The following SIGLEC6 variants were observed in gnomAD, a reference collection of about 807,000 sequenced individuals.
SIGLEC6 encodes the protein sialic acid-binding Ig-like lectin 6.
In SIGLEC6, 31 loss-of-function variants were observed where a neutral mutation model predicts 41.4. The ratio of observed to expected loss-of-function variants is 0.75; its 90% confidence interval spans 0.56 to 1.01. The LOEUF (loss-of-function observed/expected upper bound fraction) is 1.01, where lower values mean the gene tolerates loss of function less well. Ranked by LOEUF, SIGLEC6 falls within the 50% of genes least tolerant of loss-of-function variation. The pLI, the probability that SIGLEC6 is intolerant of heterozygous loss-of-function variation, is 0.00. For missense variants in SIGLEC6, 555 were observed against 558.6 expected (o/e 0.99, Z 0.06); for synonymous variants, 217 against 231.0 (o/e 0.94, Z 0.55).
chr19:51,529,421 G>T, intron 5 of SIGLEC6: 1 of 424,438 alleles, frequency 2.4e-6, no homozygotes, highest in South Asian at 2.4e-5. Flanking sequence ...AGCTGAGCCT[G>T]AGACTTGAGC....
rs751392876 is a variant in SIGLEC6, at chr19:51,531,374, C to G, written c.213G>C (p.Gly71=). The part of the protein sequence containing the change: ...YYGYGYWFLE[G]ADVPVATNDP... Reference sequence around the variant, plus strand: ...CGTTTGTGGCCACTGGAACATCAGCCCCTTCCAGGAACCAGTAGCCATAAC... The same window carrying G: ...CGTTTGTGGCCACTGGAACATCAGCGCCTTCCAGGAACCAGTAGCCATAAC... Residue 71 remains glycine (G), a synonymous_variant, in exon 2 of 8, where the codon GGG becomes GGC. Coordinates refer to ENST00000425629, the MANE Select transcript of SIGLEC6 (RefSeq NM_001245.7). 1.2e-6 allele frequency: 2 copies of G among 1,614,046 alleles called. No homozygotes were observed. The highest frequency in any genetic ancestry group is 1.1e-5 in the South Asian group (1 of 91,084).
At chr19:51,528,340 C>A in intron 5 of SIGLEC6, 87 bp from the exon 6 acceptor site, 2 of 1,079,544 alleles carry the variant, frequency 1.9e-6, no homozygotes, top group Non-Finnish European at 2.8e-6. Flanking sequence ...ACTAATGTGA[C>A]CACCCCCATC....
chr19:51,530,198 G>A (rs756346375), intron 4 of SIGLEC6, among the ~76,000 whole-genome samples: 62 of 152,336 alleles, frequency 4.1e-4, no homozygotes, highest in Non-Finnish European at 7.3e-4. Context: ...GCAGACAAGT[G>A]CCATTCCTGG....
At chr19:51,523,942 G>A (rs571046636) in intron 7 of SIGLEC6, among the ~76,000 whole-genome samples, 83 of 152,222 alleles carry the variant, frequency 5.5e-4, no homozygotes, top group African/African-American at 1.8e-3. Flanking sequence ...AGAATGGCGT[G>A]AACCCAGGAA....
chr19:51,530,349 C>T lies in SIGLEC6; in HGVS notation c.754+88G>A. 4 of 1,230,842 alleles carry T rather than the reference C, an allele frequency of 3.2e-6. No individual in the cohort carries two copies. In the South Asian group the frequency reaches 5.4e-5, roughly 16 times the overall value. The allele number at this position is 1,230,842 out of a possible 1,614,324, so 76.2% of individuals were successfully genotyped here. On this transcript the variant is annotated intron_variant, in intron 4 of 7. Coordinates refer to ENST00000425629, the MANE Select transcript of SIGLEC6 (RefSeq NM_001245.7). ...CCAGGTCTTTGAAGTCTATGGAGGC[C>T]TTAGTCCTGGCTTCTCATATTGATC...
Position 51,518,308 on chromosome 19 carries a change from A to C in SIGLEC6, c.*1774T>G, listed in dbSNP as rs1178389483. Among the ~76,000 whole-genome samples, 1 of 152,158 alleles carries C rather than the reference A, an allele frequency of 6.6e-6. No individual in the cohort carries two copies. Among genetic ancestry groups the C allele is most frequent in the Non-Finnish European group, 1.5e-5 (1 of 68,030 alleles). ...ATTGCTCCTAAAAAAGTCAGCTGTC[A>C]GTCTAATTGTGGTTTTTTGCTTGTT... On this transcript the variant is annotated 3_prime_UTR_variant, in exon 8 of 8. Coordinates refer to ENST00000425629, the MANE Select transcript of SIGLEC6 (RefSeq NM_001245.7).
Position 51,518,620 on chromosome 19 carries a change from G to A in SIGLEC6, c.*1462C>T, listed in dbSNP as rs893811859. ...CTCCCAAAGTGCTGGGATTACAGGC[G>A]TGAGCCACTGCTAACTGTGGTCTTT... On this transcript the variant is annotated 3_prime_UTR_variant, in exon 8 of 8. Transcript: ENST00000425629. Among the ~76,000 whole-genome samples, 3 of 152,200 alleles carry A rather than the reference G, an allele frequency of 2.0e-5. No individual in the cohort carries two copies. Among genetic ancestry groups the A allele is most frequent in the African/African-American group, 7.2e-5 (3 of 41,458 alleles).
At position 51,530,788 on chromosome 19, in the gene SIGLEC6, AGCACCGAGGACTGGGTGGTCCTGGG is replaced by A. The variant is rs1175066562; in HGVS notation, c.574_598del (p.Pro192SerfsTer18). The stretch of plus-strand genomic sequence containing the variant: ...GTCCTGGGGCCGTGGGGTGATTGTG[AGCACCGAGGACTGGGTGGTCCTGGG>A]GCCCAGGGAGGTGGGGGCAGCTGAC... On this transcript the variant is annotated frameshift_variant, in exon 3 of 8. Transcript: ENST00000425629. LOFTEE classifies it high-confidence loss of function. The A allele has an allele frequency of 6.2e-7, 1 of 1,613,942 alleles. No individual in the cohort carries two copies. The highest frequency in any genetic ancestry group is 1.1e-5 in the South Asian group (1 of 91,066).
In SIGLEC6 at chr19:51,529,637, A is replaced by G. The variant is rs1219115541; in HGVS notation, c.1012+87T>C. ...GTTGTGAGGGGTCTGGGGAGGGAGG[A>G]CAGGACTTAGCAGGGGCCTCTTCTC... On this transcript the variant is annotated intron_variant, in intron 5 of 7. Coordinates refer to ENST00000425629, the MANE Select transcript of SIGLEC6 (RefSeq NM_001245.7). 3 of 1,554,744 alleles carry G rather than the reference A, an allele frequency of 1.9e-6. No individual in the cohort carries two copies. The South Asian group carries it at 3.5e-5, about 18-fold the overall frequency.
Position 51,529,878 on chromosome 19 carries a change from C to T in SIGLEC6, c.858G>A (p.Trp286Ter). ...ADGNPPAHLS[W>*]FQGFPALNAT... ...CGTTCAGGGCGGGGAAGCCCTGGAA[C>T]CAGCTCAGGTGTGCAGGGGGGTTGC... Residue 286 changes from tryptophan to a stop codon, truncating the protein, a stop_gained, in exon 5 of 8, where the codon TGG (tryptophan) becomes TGA (stop). Transcript: ENST00000425629. LOFTEE classifies it high-confidence loss of function. The T allele has an allele frequency of 1.2e-6, 2 of 1,614,140 alleles. No homozygotes were observed. Among genetic ancestry groups the T allele is most frequent in the Non-Finnish European group, 8.5e-7 (1 of 1,180,002 alleles).
chr19:51,525,592 C>T (rs753574788), intron 7 of SIGLEC6, among the ~76,000 whole-genome samples: 2 of 152,174 alleles, frequency 1.3e-5, no homozygotes, highest in Non-Finnish European at 2.9e-5. Context: ...AGGCTCTTTG[C>T]CATTGCCACT....
rs1319584613 is a variant in SIGLEC6 at position 51,531,563 on chromosome 19, T to A, written c.67+19A>T. On this transcript the variant is annotated intron_variant, in intron 1 of 7. Coordinates refer to ENST00000425629, the MANE Select transcript of SIGLEC6 (RefSeq NM_001245.7). The stretch of plus-strand genomic sequence containing the variant: ...CAGCTCGGCCCAGCCCCACGGCACC[T>A]CTCCCCTGGCCCACTCACCTGCCCA... 2 of 1,613,804 alleles carry A rather than the reference T, an allele frequency of 1.2e-6. No homozygotes were observed. The highest frequency in any genetic ancestry group is 3.3e-5 in the Admixed American group (2 of 59,962).
At chr19:51,530,039 T>C (rs1393970528) in intron 4 of SIGLEC6, 58 bp from the exon 5 acceptor site, 3 of 1,515,442 alleles carry the variant, frequency 2.0e-6, no homozygotes, top group Non-Finnish European at 2.7e-6. Flanking sequence ...AGCACTGGTG[T>C]CCCTCTCCTC....
rs200962480 is a variant in SIGLEC6, at chr19:51,531,575, C to A, written c.67+7G>T. The A allele has an allele frequency of 1.8e-4, 289 of 1,613,804 alleles. 1 individual carries two copies. Among genetic ancestry groups the A allele is most frequent in the Middle Eastern group, 1.6e-4 (1 of 6,078 alleles). ...GCCCCACGGCACCTCTCCCCTGGCC[C>A]ACTCACCTGCCCACAGCAGGGGCAG... On this transcript the variant is annotated splice_region_variant and intron_variant, in intron 1 of 7. Coordinates refer to ENST00000425629, the MANE Select transcript of SIGLEC6 (RefSeq NM_001245.7).
chr19:51,529,832 C>G lies in SIGLEC6; in HGVS notation c.904G>C (p.Gly302Arg). 2 of 1,614,102 alleles carry G rather than the reference C, an allele frequency of 1.2e-6. No homozygotes were observed. The highest frequency in any genetic ancestry group is 1.6e-4 in the Middle Eastern group (1 of 6,062). The change falls in exon 5 of 8, where the codon GGG becomes CGG. Residue 302 changes from glycine (G) to arginine (R), a missense_variant. Gly to Arg is a moderately radical substitution (Grantham distance 125). Transcript: ENST00000425629. ...CCTACTTGAGGCAGCTCCAGGACCCCGGTATTGGAGATGGGGGTGGCGTTC... is the reference window on the plus strand; with the variant it reads ...CCTACTTGAGGCAGCTCCAGGACCCGGGTATTGGAGATGGGGGTGGCGTTC... ...ALNATPISNT[G>R]VLELPQVGSA...
rs771982211 is a variant in SIGLEC6, at chr19:51,520,633, C to T, written c.1189-378G>A. The stretch of plus-strand genomic sequence containing the variant: ...TCAAGGAATCCACCCACCTTGGCTT[C>T]CTAAAGTGCTGGGATTACAAGCATG... On this transcript the variant is annotated intron_variant, in intron 7 of 7. Coordinates refer to ENST00000425629, the MANE Select transcript of SIGLEC6 (RefSeq NM_001245.7). 5.7e-4 allele frequency among the ~76,000 whole-genome samples: 87 copies of T among 152,070 alleles called. 1 individual carries two copies. The highest frequency in any genetic ancestry group is 1.1e-3 in the Non-Finnish European group (77 of 68,018).
At chr19:51,529,332 C>T (rs1025440722) in intron 5 of SIGLEC6, 14 of 211,496 alleles carry the variant, frequency 6.6e-5, no homozygotes, top group Non-Finnish European at 1.3e-4. Flanking sequence ...GCTTCTCTTC[C>T]CCCAATTGTC....
Position 51,520,077 on chromosome 19 carries a change from A to G in SIGLEC6, c.*5T>C. On this transcript the variant is annotated 3_prime_UTR_variant, in exon 8 of 8. Transcript: ENST00000425629. The stretch of plus-strand genomic sequence containing the variant: ...CCAATCAAGGTTATGGCTTTGGACA[A>G]TTCCTCACTTGTGTATCTTGATTTC... 3 of 1,549,856 alleles carry G rather than the reference A, an allele frequency of 1.9e-6. No individual in the cohort carries two copies. The highest frequency in any genetic ancestry group is 1.2e-5 in the South Asian group (1 of 82,508).
chr19:51,519,707 T>C lies in SIGLEC6; in HGVS notation c.*375A>G, dbSNP rs1174699128. 6.5e-6 allele frequency: 1 copy of C among 153,916 alleles called. No homozygotes were observed. Among genetic ancestry groups the C allele is most frequent in the Non-Finnish European group, 1.4e-5 (1 of 69,282 alleles). The allele number at this position is 153,916 out of a possible 1,614,324, so 9.5% of individuals were successfully genotyped here. Reference sequence around the variant, plus strand: ...ATATGTTGGAAGTCCTAAATCTCAATATCTCAGAAGGTTACTGTATTTGGA... The same window carrying C: ...ATATGTTGGAAGTCCTAAATCTCAACATCTCAGAAGGTTACTGTATTTGGA... On this transcript the variant is annotated 3_prime_UTR_variant, in exon 8 of 8. Coordinates refer to ENST00000425629, the MANE Select transcript of SIGLEC6 (RefSeq NM_001245.7).
Sources: gnomAD v4.1 joint callset for allele counts (sites outside exome capture counted in the v4.1 genomes callset) on GRCh38, gnomAD v4.1.1 for gene constraint, MANE v1.5 for transcripts, NCBI Gene and HGNC (gene_info 2026-07-23, HGNC 2026-07-21) for gene names.